The following CYP19A1 variants were observed in gnomAD, a reference collection of about 807,000 sequenced individuals.
CYP19A1 encodes aromatase.
Under a neutral mutation model 44.4 loss-of-function variants are expected in CYP19A1, and 32 were observed. The ratio of observed to expected loss-of-function variants is 0.72; its 90% CI spans 0.54 to 0.97. The LOEUF (loss-of-function observed/expected upper bound fraction) is 0.97, where lower values mean the gene tolerates loss of function less well. CYP19A1 is among the 50% of genes least tolerant of loss of function. The pLI, the probability that CYP19A1 is intolerant of heterozygous loss-of-function variation, is 0.00. For synonymous variants in CYP19A1, 212 were observed against 215.6 expected (o/e 0.98, Z 0.14); for missense variants, 598 against 637.8 (o/e 0.94, Z 0.67).
chr15:51,269,288 C>T (rs1337320130), intron 1 of CYP19A1, among the ~76,000 whole-genome samples: 1 of 152,050 alleles, frequency 6.6e-6, no homozygotes, highest in African/African-American at 2.4e-5. Context: ...TTTCCCCCCT[C>T]AAATTGAATT....
intron 1 of CYP19A1, among the ~76,000 whole-genome samples, chr15:51,324,206 C>T (rs1346430229): frequency 6.6e-6 from 1 of 152,142 alleles, no homozygotes; most frequent in Non-Finnish European, 1.5e-5. Flanking sequence ...CCCCACCAGC[C>T]CCAAAAAGAG....
intron 1 of CYP19A1, among the ~76,000 whole-genome samples, chr15:51,331,370 A>T (rs773328350): frequency 3.4e-4 from 52 of 152,140 alleles, no homozygotes; most frequent in Non-Finnish European, 1.0e-4. Flanking sequence ...GAAAGAGGAG[A>T]GGTGAAGAAG....
At position 51,295,754 on chromosome 15, in the gene CYP19A1, G is replaced by A. The variant is rs28757119; in HGVS notation, c.-39+42741C>T. ...CCTGGGCAGATAAAAGGACATTCAA[G>A]TTGAGCTGGGTCCCTCGGGTCCAGT... On this transcript the variant is annotated intron_variant, in intron 1 of 9. Transcript: ENST00000396402. Among the ~76,000 whole-genome samples, 838 of 152,314 alleles carry A rather than the reference G, an allele frequency of 5.5e-3. 11 individuals are homozygous for A. The highest frequency in any genetic ancestry group is 0.019 in the African/African-American group (807 of 41,560).
At chr15:51,245,993 T>G (rs1270270406) in intron 1 of CYP19A1, among the ~76,000 whole-genome samples, 1 of 152,232 alleles carries the variant, frequency 6.6e-6, no homozygotes, top group Non-Finnish European at 1.5e-5. Context: ...CATGGACTTT[T>G]CATTCATTTA....
chr15:51,295,539 A>ACAGAGTACTTGACACCCAGGAGGCTCT (rs1555397748), intron 1 of CYP19A1, among the ~76,000 whole-genome samples: 5 of 152,238 alleles, frequency 3.3e-5, no homozygotes, highest in Admixed American at 2.0e-4. Context: ...AAAGCACACA[A>ACAGAGTACTTGACACCCAGGAGGCTCT]CAGAGTACTT....
At chr15:51,222,153 C>A in intron 5 of CYP19A1, 196 bp downstream of exon 5, 1 of 957,214 alleles carries the variant, frequency 1.0e-6, no homozygotes, top group Non-Finnish European at 1.5e-6. Flanking sequence ...TAGATGCTGG[C>A]CCCTACTTTA....
intron 1 of CYP19A1, among the ~76,000 whole-genome samples, chr15:51,259,501 T>C (rs2034636684): frequency 6.6e-6 from 1 of 152,188 alleles, no homozygotes; most frequent in Non-Finnish European, 1.5e-5. Context: ...AGGAAGACTT[T>C]GTAAGCTTTT....
chr15:51,264,251 T>C (rs2034835216), intron 1 of CYP19A1, among the ~76,000 whole-genome samples: 1 of 152,146 alleles, frequency 6.6e-6, no homozygotes, highest in Admixed American at 6.5e-5. Flanking sequence ...GCTGTGTCCA[T>C]GTGAGTGTGC....
chr15:51,210,857 A>G lies in CYP19A1; in HGVS notation c.1463T>C (p.Leu488Pro). Residue 488 changes from leucine (L) to proline (P), a missense_variant, in exon 10 of 10, where the codon CTG (leucine) becomes CCG (proline). Transcript: ENST00000396402. ...GTTTCTTGGGGTAAAGATCATTTCC[A>G]GCATGTTTTTAGTCTCATCTGGGTG... is the stretch of plus-strand genomic sequence containing the variant. ...SLHPDETKNMLEMIFTPRNSD... is the reference protein window; with the variant it reads ...SLHPDETKNMPEMIFTPRNSD... The G allele has an allele frequency of 6.3e-7, 1 of 1,598,142 alleles. No individual in the cohort carries two copies. Among genetic ancestry groups the G allele is most frequent in the Non-Finnish European group, 8.6e-7 (1 of 1,165,440 alleles).
At chr15:51,295,629 G>A (rs2035978629) in intron 1 of CYP19A1, among the ~76,000 whole-genome samples, 1 of 152,196 alleles carries the variant, frequency 6.6e-6, no homozygotes, top group South Asian at 2.1e-4. Context: ...GAATATCATG[G>A]AAAAATCAGT....
At chr15:51,260,502 G>A (rs777582915) in intron 1 of CYP19A1, among the ~76,000 whole-genome samples, 3 of 152,160 alleles carry the variant, frequency 2.0e-5, no homozygotes, top group Non-Finnish European at 2.9e-5. Flanking sequence ...ACGGGTTTTC[G>A]GGATATTGAG....
chr15:51,295,310 A>C (rs935727606), intron 1 of CYP19A1, among the ~76,000 whole-genome samples: 3 of 152,186 alleles, frequency 2.0e-5, no homozygotes, highest in African/African-American at 4.8e-5. Context: ...GGCAATGCAC[A>C]GGAGCGCAGA....
chr15:51,292,243 G>A (rs1250716645), intron 1 of CYP19A1, among the ~76,000 whole-genome samples: 3 of 152,182 alleles, frequency 2.0e-5, no homozygotes, highest in Non-Finnish European at 2.9e-5. Flanking sequence ...TCTCCAACTA[G>A]GGTTAATTAT....
chr15:51,273,654 G>A (rs1000345576), intron 1 of CYP19A1, among the ~76,000 whole-genome samples: 3 of 152,042 alleles, frequency 2.0e-5, no homozygotes, highest in Admixed American at 6.5e-5. Flanking sequence ...CCTCACCTCC[G>A]AGAAGTCCAA....
At chr15:51,291,107 A>C (rs2035834861) in intron 1 of CYP19A1, among the ~76,000 whole-genome samples, 1 of 152,236 alleles carries the variant, frequency 6.6e-6, no homozygotes, top group African/African-American at 2.4e-5. Flanking sequence ...GCAGAAAACT[A>C]GGTTTGAGGC....
At chr15:51,250,610 G>A (rs1053869219) in intron 1 of CYP19A1, among the ~76,000 whole-genome samples, 1 of 152,166 alleles carries the variant, frequency 6.6e-6, no homozygotes, top group Non-Finnish European at 1.5e-5. Flanking sequence ...GATTATCTAA[G>A]GCATTTCAGG....
intron 1 of CYP19A1, among the ~76,000 whole-genome samples, chr15:51,249,191 A>G (rs2034202006): frequency 6.6e-6 from 1 of 152,048 alleles, no homozygotes; most frequent in Non-Finnish European, 1.5e-5. Flanking sequence ...TTCACCTGCC[A>G]TGGCCTCCCA....
intron 1 of CYP19A1, among the ~76,000 whole-genome samples, chr15:51,329,240 C>G (rs1475794652): frequency 6.6e-6 from 1 of 152,126 alleles, no homozygotes; most frequent in Non-Finnish European, 1.5e-5. Flanking sequence ...GCCACAACAG[C>G]CCTTGGTTCA....
intron 1 of CYP19A1, among the ~76,000 whole-genome samples, chr15:51,295,031 A>G (rs2035961524): frequency 6.6e-6 from 1 of 151,486 alleles, no homozygotes; most frequent in African/African-American, 2.4e-5. Flanking sequence ...GATACATTGT[A>G]TAATGAAACC....
Sources: allele counts gnomAD v4.1 joint callset (sites outside exome capture counted in the v4.1 genomes callset), GRCh38; gene constraint gnomAD v4.1.1; transcripts MANE v1.5; gene names NCBI Gene and HGNC (gene_info 2026-07-23, HGNC 2026-07-21).